Variants in CAMK4 observed in about 807,000 individuals in gnomAD.
The protein encoded by CAMK4 is calcium/calmodulin-dependent protein kinase type IV.
A neutral mutation model predicts 44.9 loss-of-function variants in CAMK4; 22 were observed. The observed-to-expected ratio is 0.49, with a 90% confidence interval of 0.35 to 0.70. CAMK4 has a LOEUF of 0.70. CAMK4 is among the 30% of genes least tolerant of loss of function. The probability of loss-of-function intolerance (pLI) is 0.01; values close to 1 mark genes in which losing one functional copy is unlikely to be tolerated. For synonymous variants in CAMK4, 218 were observed against 215.4 expected, an observed-to-expected ratio of 1.01 and a Z score of -0.11; for missense variants, 498 against 586.8, an observed-to-expected ratio of 0.85 and a Z score of 1.56.
chr5:111,290,901 A>C lies in CAMK4; in HGVS notation c.162-53123A>C, dbSNP rs1439767843. Among the ~76,000 whole-genome samples the C allele has an allele frequency of 6.6e-6, 1 of 152,224 alleles. No individual in the cohort carries two copies. On this transcript the variant is annotated intron_variant, in intron 1 of 10. Coordinates refer to ENST00000282356, the MANE Select transcript of CAMK4 (RefSeq NM_001744.6). This position sits in a 1 kb window ranked among gnomAD's most constrained non-coding sequence, Gnocchi z 4.5. The stretch of plus-strand genomic sequence containing the variant: ...TAAGCAGATTTGGATTCCATCAAGA[A>C]ACTTGGGCTTATATAGTCCAAATCC...
intron 1 of CAMK4, among the ~76,000 whole-genome samples, chr5:111,330,595 A>G (rs1206509811): frequency 6.6e-6 from 1 of 151,718 alleles, no homozygotes; most frequent in Non-Finnish European, 1.5e-5. Context: ...ATAATTAATT[A>G]TAAGTAATCT....
At chr5:111,261,257 A>G (rs1749961937) in intron 1 of CAMK4, among the ~76,000 whole-genome samples, 1 of 152,162 alleles carries the variant, frequency 6.6e-6, no homozygotes, top group Non-Finnish European at 1.5e-5. Flanking sequence ...ATTGGACCCC[A>G]TTAGGATGTT....
intron 1 of CAMK4, among the ~76,000 whole-genome samples, chr5:111,308,190 T>C (rs1362833042): frequency 7.0e-6 from 1 of 143,014 alleles, no homozygotes; most frequent in Non-Finnish European, 1.5e-5. Flanking sequence ...GCATGGCACA[T>C]GTATACATAT....
intron 1 of CAMK4, among the ~76,000 whole-genome samples, chr5:111,308,991 A>G (rs306083): frequency 0.94 from 142,373 of 152,250 alleles, 66,653 homozygotes; most frequent in African/African-American, 0.98. Flanking sequence ...CATGTAGTAA[A>G]TTCTTTCTAG....
intron 1 of CAMK4, among the ~76,000 whole-genome samples, chr5:111,308,463 T>G (rs2112663435): frequency 6.6e-6 from 1 of 152,310 alleles, no homozygotes; most frequent in East Asian, 1.9e-4. Context: ...TTTAAAAACA[T>G]TAATTCCCTT....
intron 5 of CAMK4, among the ~76,000 whole-genome samples, chr5:111,420,299 G>T (rs927250851): frequency 4.6e-5 from 7 of 152,078 alleles, no homozygotes. Context: ...TGTATCCTGA[G>T]ACTTTGCTGA....
At position 111,487,168 on chromosome 5, in the gene CAMK4, T is replaced by G. The variant is rs1755660479; in HGVS notation, c.*2702T>G. 1 of 152,174 alleles carries G rather than the reference T, an allele frequency of 6.6e-6. No individual in the cohort carries two copies. The highest frequency in any genetic ancestry group is 1.5e-5 in the Non-Finnish European group (1 of 68,014). 9.4% of individuals were successfully genotyped at this position (152,174 alleles called of 1,614,324 possible). A position where few individuals can be genotyped will look rare whatever the true frequency, so the allele number is the denominator to read the frequency against. On this transcript the variant is annotated 3_prime_UTR_variant, in exon 11 of 11. Coordinates refer to ENST00000282356, the MANE Select transcript of CAMK4 (RefSeq NM_001744.6). ...AGATTTAATTTCACAAAATACTTCA[T>G]AACATCACTCCTAATTGGCAATATA...
intron 7 of CAMK4, among the ~76,000 whole-genome samples, chr5:111,461,192 A>T (rs536532217): frequency 1.3e-5 from 2 of 152,278 alleles, no homozygotes; most frequent in Non-Finnish European, 2.9e-5. Context: ...AAGTCACAGA[A>T]AACTAAAATG....
intron 7 of CAMK4, among the ~76,000 whole-genome samples, chr5:111,453,898 A>G (rs1322357682): frequency 6.6e-6 from 1 of 152,124 alleles, no homozygotes; most frequent in Non-Finnish European, 1.5e-5. Context: ...CCCTGGGATG[A>G]CTAAGGCAGA....
intron 7 of CAMK4, among the ~76,000 whole-genome samples, chr5:111,450,442 G>T (rs151225567): frequency 1.5e-3 from 221 of 151,600 alleles, no homozygotes; most frequent in African/African-American, 5.0e-3. Context: ...TGGCACCAGG[G>T]AGATGCTTTT....
intron 5 of CAMK4, among the ~76,000 whole-genome samples, chr5:111,414,954 G>A (rs1157079584): frequency 6.6e-6 from 1 of 152,132 alleles, no homozygotes; most frequent in Non-Finnish European, 1.5e-5. Flanking sequence ...TTCAGCAAGG[G>A]TTTTGTTTTG....
At chr5:111,278,373 CTTGT>C (rs1375760051) in intron 1 of CAMK4, among the ~76,000 whole-genome samples, 5 of 141,084 alleles carry the variant, frequency 3.5e-5, no homozygotes, top group Non-Finnish European at 7.9e-5. Context: ...GAGAATCAGG[CTTGT>C]TTGTTTTTTT....
chr5:111,352,044 C>T lies in CAMK4; in HGVS notation c.240+7942C>T, dbSNP rs555987906. Among the ~76,000 whole-genome samples, 18 of 152,156 alleles carry T rather than the reference C, an allele frequency of 1.2e-4. No individual in the cohort carries two copies. The South Asian group carries it at 3.7e-3, about 32-fold the overall frequency. On this transcript the variant is annotated intron_variant, in intron 2 of 10. Coordinates refer to ENST00000282356, the MANE Select transcript of CAMK4 (RefSeq NM_001744.6). ...CTTCATATAAGCGTGCTAATCCTAT[C>T]ATGAGGGCTCTACCCTCATTATCTA... is the stretch of plus-strand genomic sequence containing the variant.
chr5:111,424,567 C>T (rs577119472), intron 5 of CAMK4, among the ~76,000 whole-genome samples: 7 of 150,598 alleles, frequency 4.6e-5, no homozygotes, highest in African/African-American at 1.5e-4. Context: ...GCCTCAGCCT[C>T]GCGAATAGCT....
At chr5:111,442,315 G>A (rs764183988) in intron 5 of CAMK4, among the ~76,000 whole-genome samples, 3 of 152,108 alleles carry the variant, frequency 2.0e-5, no homozygotes, top group Non-Finnish European at 4.4e-5. Flanking sequence ...CCAACATGGT[G>A]AAACCCTGTC....
rs1482987811 is a variant in CAMK4, at chr5:111,477,045, A to G, written c.702-1336A>G. ...TCCATGACTAACTGCAACAGGCCAT[A>G]GGTTTCTAGTGTTGTGGAGAGCAGG... On this transcript the variant is annotated intron_variant, in intron 8 of 10. Transcript: ENST00000282356. 2.0e-5 allele frequency among the ~76,000 whole-genome samples: 3 copies of G among 152,202 alleles called. No individual in the cohort carries two copies. The East Asian group carries it at 5.8e-4, about 29-fold the overall frequency.
At position 111,413,061 on chromosome 5, in the gene CAMK4, G is replaced by A. The variant is rs114944900; in HGVS notation, c.459+18279G>A. 7.6e-3 allele frequency among the ~76,000 whole-genome samples: 1,159 copies of A among 152,118 alleles called. 20 individuals carry two copies. Among genetic ancestry groups the A allele is most frequent in the African/African-American group, 0.027 (1,115 of 41,472 alleles). ...AGTTGCTGTCTAACATCATGGGCTC[G>A]CCCTTGAATTCTTTCCTCGGTAAAG... is the stretch of plus-strand genomic sequence containing the variant. On this transcript the variant is annotated intron_variant, in intron 5 of 10. Transcript: ENST00000282356.
chr5:111,444,379 A>G (rs985506506), intron 5 of CAMK4, among the ~76,000 whole-genome samples: 1 of 152,178 alleles, frequency 6.6e-6, no homozygotes, highest in African/African-American at 2.4e-5. Context: ...AAGTGTTTAA[A>G]ACATGTAAGA....
chr5:111,480,807 C>T (rs866756658), intron 9 of CAMK4, among the ~76,000 whole-genome samples: 5 of 151,982 alleles, frequency 3.3e-5, no homozygotes, highest in Non-Finnish European at 4.4e-5. Context: ...CTTATTTAGC[C>T]CTCCTTCCAT....
Sources: allele counts gnomAD v4.1 joint callset (sites outside exome capture counted in the v4.1 genomes callset), GRCh38; gene constraint gnomAD v4.1.1; non-coding constraint Gnocchi (gnomAD v3.1); transcripts MANE v1.5; gene names NCBI Gene and HGNC (gene_info 2026-07-23, HGNC 2026-07-21).